Variants in BCAR3 observed in about 807,000 individuals in gnomAD.
BCAR3 encodes BCAR3 adaptor protein, NSP family member.
BCAR3 carries 37 observed loss-of-function variants against 80.1 expected under a neutral mutation model. The observed-to-expected ratio is 0.46, with a 90% CI of 0.36 to 0.61. The LOEUF (loss-of-function observed/expected upper bound fraction) is 0.61. BCAR3 is among the 20% of genes least tolerant of loss of function. The pLI is 0.00. For missense variants in BCAR3, 978 were observed against 1,068.2 expected (o/e 0.92, Z 1.18); for synonymous variants, 389 against 418.9 (o/e 0.93, Z 0.87).
At chr1:93,718,731 G>C (rs1259680587) in intron 2 of BCAR3, among the ~76,000 whole-genome samples, 1 of 69,324 alleles carries the variant, frequency 1.4e-5, no homozygotes, top group Admixed American at 2.1e-4. Flanking sequence ...GTTTGGCTCT[G>C]TTACCCCATG....
intron 3 of BCAR3, among the ~76,000 whole-genome samples, chr1:93,704,418 A>G (rs140625204): frequency 3.1e-4 from 47 of 152,344 alleles, no homozygotes; most frequent in African/African-American, 1.1e-3. Context: ...ACATGCATCT[A>G]TAAGGTAGGT....
chr1:93,778,615 G>A (rs1434688404), intron 2 of BCAR3, among the ~76,000 whole-genome samples: 1 of 151,928 alleles, frequency 6.6e-6, no homozygotes, highest in Non-Finnish European at 1.5e-5. Flanking sequence ...GCTTGTTGCA[G>A]CCCTGGTTTT....
chr1:93,762,617 C>A (rs551281756), intron 2 of BCAR3, among the ~76,000 whole-genome samples: 4 of 152,190 alleles, frequency 2.6e-5, no homozygotes, highest in African/African-American at 4.8e-5. Context: ...TGAAATGACA[C>A]CCTTCACCCC....
At chr1:93,669,199 G>A (rs988369481) in intron 2 of BCAR3, among the ~76,000 whole-genome samples, 13 of 152,266 alleles carry the variant, frequency 8.5e-5, no homozygotes, top group African/African-American at 3.1e-4. Context: ...GTGTCTGAGG[G>A]AACATCTTGC....
At chr1:93,789,381 C>T (rs998515534) in intron 2 of BCAR3, among the ~76,000 whole-genome samples, 34 of 152,222 alleles carry the variant, frequency 2.2e-4, no homozygotes, top group African/African-American at 8.2e-4. Context: ...TTGCTAAGCC[C>T]TCCCTATGGG....
At position 93,571,119 on chromosome 1, in the gene BCAR3, G is replaced by A. The variant is rs563491182; in HGVS notation, c.1974+551C>T. ...CTCAGGAGGCTGAGGCAGGAGAATC[G>A]CTTGAACCCAGGAGACAGAGGTTGC... On this transcript the variant is annotated intron_variant, in intron 9 of 11. Coordinates refer to ENST00000260502, the MANE Select transcript of BCAR3 (RefSeq NM_003567.4). Among the ~76,000 whole-genome samples the A allele has an allele frequency of 7.3e-5, 11 of 151,520 alleles. No homozygotes were observed. In the East Asian group the frequency reaches 7.8e-4, roughly 11 times the overall value.
chr1:93,779,732 C>G (rs1467285797), intron 2 of BCAR3, among the ~76,000 whole-genome samples: 10 of 152,166 alleles, frequency 6.6e-5, no homozygotes, highest in Non-Finnish European at 1.5e-4. Context: ...TAACAATGCA[C>G]GTACTCCTGG....
At chr1:93,841,397 G>A (rs932826328) in intron 2 of BCAR3, among the ~76,000 whole-genome samples, 2 of 152,226 alleles carry the variant, frequency 1.3e-5, no homozygotes, top group African/African-American at 4.8e-5. Flanking sequence ...TCTTTTGTTT[G>A]TGCAGGGACA....
At chr1:93,615,855 C>T (rs1290117166) in intron 3 of BCAR3, among the ~76,000 whole-genome samples, 1 of 152,098 alleles carries the variant, frequency 6.6e-6, no homozygotes, top group Non-Finnish European at 1.5e-5. Context: ...ATAACGATTC[C>T]TTCAAGCTAA....
chr1:93,672,315 A>G (rs1648250665), intron 2 of BCAR3, among the ~76,000 whole-genome samples: 1 of 152,132 alleles, frequency 6.6e-6, no homozygotes, highest in Non-Finnish European at 1.5e-5. Context: ...CTCCATCACT[A>G]CTGCCTCCCC....
intron 3 of BCAR3, among the ~76,000 whole-genome samples, chr1:93,594,039 C>T (rs1674322057): frequency 6.6e-6 from 1 of 152,178 alleles, no homozygotes; most frequent in Non-Finnish European, 1.5e-5. Flanking sequence ...TAATATTGTA[C>T]GGCTTCATCT....
intron 3 of BCAR3, chr1:93,602,407 G>A (rs1192863497): frequency 6.6e-6 from 1 of 152,244 alleles, no homozygotes; most frequent in African/African-American, 2.4e-5. Flanking sequence ...GGGAATCCCT[G>A]TGATGACCTG....
intron 2 of BCAR3, among the ~76,000 whole-genome samples, 173 bp downstream of exon 2, chr1:93,674,441 A>G (rs1255819706): frequency 6.6e-6 from 1 of 152,154 alleles, no homozygotes; most frequent in Non-Finnish European, 1.5e-5. Flanking sequence ...TTTTTAGTAT[A>G]GACAGGGTTT....
At chr1:93,567,237 C>A (rs202065652) in intron 11 of BCAR3, 42 bp downstream of exon 11, 2 of 1,595,842 alleles carry the variant, frequency 1.3e-6, no homozygotes, top group South Asian at 2.2e-5. Flanking sequence ...ATTTCAATTA[C>A]GATACAGTGT....
intron 6 of BCAR3, among the ~76,000 whole-genome samples, chr1:93,583,515 G>T (rs968275480): frequency 2.0e-5 from 3 of 152,100 alleles, no homozygotes; most frequent in African/African-American, 7.2e-5. Flanking sequence ...TCTTACTAAT[G>T]TAACTGCTTA....
intron 1 of BCAR3, among the ~76,000 whole-genome samples, chr1:93,846,150 G>C (rs1448028008): frequency 1.6e-5 from 2 of 126,404 alleles, no homozygotes; most frequent in African/African-American, 8.3e-5. Flanking sequence ...TTGGGGTTAA[G>C]TAAGACTGTA....
In BCAR3 at chr1:93,575,864, T is replaced by G. The variant is rs531668051; in HGVS notation, c.1802+150A>C. On this transcript the variant is annotated intron_variant, in intron 8 of 11. Transcript: ENST00000260502. ...CTCCAGGAATTCTCAGGCTCAGGCT[T>G]CTGGGAAGAGTCGCTGTAGGCCATG... The G allele has an allele frequency of 5.8e-5, 36 of 621,434 alleles. 1 individual carries two copies. Among genetic ancestry groups the G allele is most frequent in the South Asian group, 5.7e-4 (29 of 50,454 alleles). The allele number at this position is 621,434 out of a possible 1,614,324, so 38.5% of individuals were successfully genotyped here. A position where few individuals can be genotyped will look rare whatever the true frequency, so the allele number is the denominator to read the frequency against.
intron 11 of BCAR3, among the ~76,000 whole-genome samples, chr1:93,564,948 C>T (rs1210839854): frequency 6.6e-6 from 1 of 152,152 alleles, no homozygotes; most frequent in African/African-American, 2.4e-5. Flanking sequence ...GGTTCTCATC[C>T]TTTATTATTG....
At chr1:93,773,873 T>G (rs891999027) in intron 2 of BCAR3, among the ~76,000 whole-genome samples, 2 of 152,190 alleles carry the variant, frequency 1.3e-5, no homozygotes, top group Admixed American at 1.3e-4. Context: ...ATCTCTTGTG[T>G]TGGCCTCAGG....
Sources: gnomAD v4.1 joint callset for allele counts (sites outside exome capture counted in the v4.1 genomes callset) on GRCh38, gnomAD v4.1.1 for gene constraint, MANE v1.5 for transcripts, NCBI Gene and HGNC (gene_info 2026-07-23, HGNC 2026-07-21) for gene names.